ADAMTS9: variants seen among roughly 807,000 people sequenced by gnomAD.
The protein encoded by ADAMTS9 is A disintegrin and metalloproteinase with thrombospondin motifs 9.
ADAMTS9 carries 107 observed loss-of-function variants against 257.1 expected under a neutral mutation model. The ratio of observed to expected loss-of-function variants is 0.42; its 90% CI spans 0.36 to 0.49. The LOEUF (loss-of-function observed/expected upper bound fraction) is 0.49, where lower values mean the gene tolerates loss of function less well. ADAMTS9 is among the 20% of genes least tolerant of loss of function. ADAMTS9 has a pLI of 0.03. For synonymous variants in ADAMTS9, 982 were observed against 880.9 expected (o/e 1.11, Z -2.03); for missense variants, 2,353 against 2,469.1 (o/e 0.95, Z 1.00).
chr3:64,634,174 T>A (rs982647652), intron 12 of ADAMTS9, among the ~76,000 whole-genome samples: 3 of 152,132 alleles, frequency 2.0e-5, no homozygotes, highest in Non-Finnish European at 4.4e-5. Flanking sequence ...TAGCTTAAAA[T>A]ATGAGATGCG....
intron 31 of ADAMTS9, among the ~76,000 whole-genome samples, 182 bp from the exon 32 acceptor site, chr3:64,547,134 C>T (rs2083210881): frequency 6.6e-6 from 1 of 152,192 alleles, no homozygotes; most frequent in South Asian, 2.1e-4. Flanking sequence ...GGCAACCCTA[C>T]AGGGTGCCTC....
intron 4 of ADAMTS9, among the ~76,000 whole-genome samples, chr3:64,657,561 A>C (rs1392390342): frequency 6.6e-6 from 1 of 151,808 alleles, no homozygotes; most frequent in Non-Finnish European, 1.5e-5. Flanking sequence ...GGCTGGTCTT[A>C]AACTCTGGGC....
Position 64,633,687 on chromosome 3 carries a change from G to C in ADAMTS9, c.2038+11C>G, listed in dbSNP as rs370994445. The C allele has an allele frequency of 1.2e-5, 20 of 1,613,684 alleles. No homozygotes were observed. The African/African-American group carries it at 2.5e-4, about 20-fold the overall frequency. Reference sequence around the variant, plus strand: ...CGGCCAACGGTGAACAGATACACCAGACACACTTACTTCCACTGTATTTAG... The same window carrying C: ...CGGCCAACGGTGAACAGATACACCACACACACTTACTTCCACTGTATTTAG... On this transcript the variant is annotated intron_variant, in intron 13 of 39. Transcript: ENST00000498707.
At position 64,541,849 on chromosome 3, in the gene ADAMTS9, T is replaced by C. The variant is rs1575996831; in HGVS notation, c.5186A>G (p.Asn1729Ser). The C allele has an allele frequency of 1.9e-6, 3 of 1,614,202 alleles. No homozygotes were observed. The East Asian group carries it at 6.7e-5, about 36-fold the overall frequency. ...LKPEERKTCR[N>S]VYNCELPQNC... ...GTTGGCCAACTTACAGTTATAGACA[T>C]TACGGCAGGTTTTTCGTTCTTCTGG... Residue 1729 changes from asparagine to serine, a missense_variant, in exon 33 of 40, where the codon AAT becomes AGT. Around this residue, in one of 3 missense-constraint regions of ADAMTS9, gnomAD observed 1,402 missense variants for 1,441.4 expected, o/e 0.97. Transcript: ENST00000498707.
At chr3:64,599,078 C>T (rs753910346) in intron 26 of ADAMTS9, among the ~76,000 whole-genome samples, 2 of 152,112 alleles carry the variant, frequency 1.3e-5, no homozygotes, top group African/African-American at 2.4e-5. Context: ...TGCTTCCTAC[C>T]GAGAATCCAA....
At chr3:64,635,471 C>T (rs1426755000) in intron 12 of ADAMTS9, among the ~76,000 whole-genome samples, 1 of 152,208 alleles carries the variant, frequency 6.6e-6, no homozygotes, top group African/African-American at 2.4e-5. Context: ...TAAAATGGCA[C>T]ATAACACAGT....
intron 31 of ADAMTS9, 86 bp from the exon 32 acceptor site, chr3:64,547,038 G>T: frequency 8.5e-7 from 1 of 1,172,786 alleles, no homozygotes; most frequent in Non-Finnish European, 1.2e-6. Flanking sequence ...ACCAAGCGCT[G>T]ACCGTGTGAC....
At chr3:64,684,274 CT>C (rs1473012499) in intron 2 of ADAMTS9, among the ~76,000 whole-genome samples, 1 of 151,574 alleles carries the variant, frequency 6.6e-6, no homozygotes, top group Middle Eastern at 3.2e-3. Context: ...GACATCAGTC[CT>C]AAGGAGAGAG....
In ADAMTS9 at chr3:64,575,395, C is replaced by T. The variant is rs867309394; in HGVS notation, c.4357-6860G>A. On this transcript the variant is annotated intron_variant, in intron 28 of 39. Transcript: ENST00000498707. Reference sequence around the variant, plus strand: ...GTCCCTAGCACAGAATGCTATTTGGCTCCCGTCGCAATGGGGGCCTGGGGC... The same window carrying T: ...GTCCCTAGCACAGAATGCTATTTGGTTCCCGTCGCAATGGGGGCCTGGGGC... 3.4e-4 allele frequency among the ~76,000 whole-genome samples: 52 copies of T among 152,304 alleles called. No homozygotes were observed. In the Middle Eastern group the frequency reaches 0.01, roughly 30 times the overall value.
intron 36 of ADAMTS9, among the ~76,000 whole-genome samples, chr3:64,540,809 C>G (rs995326340): frequency 3.3e-5 from 5 of 152,194 alleles, no homozygotes; most frequent in African/African-American, 1.2e-4. Flanking sequence ...TTCATTCATT[C>G]ATTCATTCAT....
intron 3 of ADAMTS9, among the ~76,000 whole-genome samples, chr3:64,672,673 ACT>A (rs58457436): frequency 0.36 from 53,936 of 151,726 alleles, 9,636 homozygotes; most frequent in Admixed American, 0.4. Flanking sequence ...ACAGAGCAAG[ACT>A]CTCAAAACAA....
At chr3:64,522,410 G>A (rs1174131007) in intron 38 of ADAMTS9, 150 bp from the exon 39 acceptor site, 2 of 582,134 alleles carry the variant, frequency 3.4e-6, no homozygotes, top group South Asian at 5.8e-5. Flanking sequence ...TCTAAAGCAG[G>A]GGCTGGCAAA....
intron 28 of ADAMTS9, chr3:64,588,698 A>C (rs2084205899): frequency 6.6e-6 from 1 of 152,128 alleles, no homozygotes; most frequent in South Asian, 2.1e-4. Flanking sequence ...CAACCTGTGG[A>C]CTTTTTAAAT....
At chr3:64,547,222 C>T (rs892244756) in intron 31 of ADAMTS9, among the ~76,000 whole-genome samples, 8 of 152,096 alleles carry the variant, frequency 5.3e-5, no homozygotes, top group Non-Finnish European at 7.4e-5. Context: ...CTGGAGGTTT[C>T]GAAGGGAGGA....
intron 3 of ADAMTS9, among the ~76,000 whole-genome samples, chr3:64,676,948 T>A (rs536242898): frequency 6.6e-6 from 1 of 152,328 alleles, no homozygotes; most frequent in Non-Finnish European, 1.5e-5. Context: ...CCTGCCTTTC[T>A]CTCACCCACC....
At position 64,686,592 on chromosome 3, in the gene ADAMTS9, G is replaced by T. The variant is rs763239464; in HGVS notation, c.492C>A (p.Ala164=). The stretch of plus-strand genomic sequence containing the variant: ...CCATTCCTGAGCAGAGGCTGATGAC[G>T]GCCGTGTGCTCGGAGTTGGTATTGA... ...GYVNTNSEHT[A]VISLCSGMLG... The change falls in exon 2 of 40, where the codon GCC becomes GCA. Residue 164 remains alanine (A), a synonymous_variant. Transcript: ENST00000498707. The surrounding 1 kb of genome is among the most constrained non-coding windows in gnomAD (Gnocchi z 4.6). The T allele has an allele frequency of 1.1e-5, 17 of 1,612,242 alleles. No individual in the cohort carries two copies. Among genetic ancestry groups the T allele is most frequent in the East Asian group, 6.7e-5 (3 of 44,850 alleles).
intron 32 of ADAMTS9, among the ~76,000 whole-genome samples, chr3:64,542,417 C>T (rs1336890809): frequency 1.4e-5 from 1 of 73,760 alleles, no homozygotes; most frequent in African/African-American, 3.8e-5. Flanking sequence ...GATCACTTTT[C>T]ATTTCTTTCT....
chr3:64,644,790 G>C lies in ADAMTS9; in HGVS notation c.1711-2797C>G, dbSNP rs111985610. Among the ~76,000 whole-genome samples the C allele has an allele frequency of 2.1e-3, 316 of 152,220 alleles. 4 individuals are homozygous for C. The highest frequency in any genetic ancestry group is 7.3e-3 in the African/African-American group (304 of 41,526). ...TTCTATAGATTTTACTTCCACACAA[G>C]AGCAAATTCCAAATGACCACTCTTC... On this transcript the variant is annotated intron_variant, in intron 11 of 39. Coordinates refer to ENST00000498707, the MANE Select transcript of ADAMTS9 (RefSeq NM_182920.2).
At chr3:64,529,914 G>A (rs2082955275) in intron 38 of ADAMTS9, among the ~76,000 whole-genome samples, 2 of 151,744 alleles carry the variant, frequency 1.3e-5, no homozygotes, top group Non-Finnish European at 1.5e-5. Flanking sequence ...GACCACCCAG[G>A]CTCATCCTCA....
Sources: gnomAD v4.1 joint callset for allele counts (sites outside exome capture counted in the v4.1 genomes callset) on GRCh38, gnomAD v4.1.1 for gene constraint, gnomAD v4.1.1 regional missense constraint, Gnocchi (gnomAD v3.1) non-coding constraint, MANE v1.5 for transcripts, NCBI Gene and HGNC (gene_info 2026-07-23, HGNC 2026-07-21) for gene names.